FRMD4A: variants seen among roughly 807,000 people sequenced by gnomAD.
The protein encoded by FRMD4A is FERM domain-containing protein 4A.
Under a neutral mutation model 129.1 loss-of-function variants are expected in FRMD4A, and 29 were observed. The ratio of observed to expected loss-of-function variants is 0.22; its 90% CI spans 0.17 to 0.31. The LOEUF is 0.31. FRMD4A is among the 10% of genes least tolerant of loss of function. The pLI, the probability that FRMD4A is intolerant of heterozygous loss-of-function variation, is 1.00. For synonymous variants in FRMD4A, 634 were observed against 571.6 expected, an observed-to-expected ratio of 1.11 and a Z score of -1.56; for missense variants, 1,272 against 1,375.8, an observed-to-expected ratio of 0.92 and a Z score of 1.19.
At chr10:14,124,396 C>T (rs552475705) in intron 2 of FRMD4A, among the ~76,000 whole-genome samples, 1 of 152,284 alleles carries the variant, frequency 6.6e-6, no homozygotes, top group South Asian at 2.1e-4. Flanking sequence ...TTTAAGTGGG[C>T]CGGACACGGT....
chr10:14,058,208 G>A lies in FRMD4A; in HGVS notation c.46-199296C>T, dbSNP rs1257346962. Among the ~76,000 whole-genome samples the A allele has an allele frequency of 3.3e-5, 5 of 152,118 alleles. No individual in the cohort carries two copies. In the East Asian group the frequency reaches 7.7e-4, roughly 23 times the overall value. On this transcript the variant is annotated intron_variant, in intron 2 of 24. Transcript: ENST00000357447. ...AACCCATAGGGACAAGAAAGCCGAG[G>A]GGATTTGGGCTATCTTTATACTGAA... is the stretch of plus-strand genomic sequence containing the variant.
Position 14,303,173 on chromosome 10 carries a change from T to G in FRMD4A, c.45+26885A>C, listed in dbSNP as rs77283790. 8.9e-3 allele frequency among the ~76,000 whole-genome samples: 1,361 copies of G among 152,288 alleles called. 22 individuals are homozygous for G. The highest frequency in any genetic ancestry group is 0.031 in the African/African-American group (1,305 of 41,550). On this transcript the variant is annotated intron_variant, in intron 2 of 24. Transcript: ENST00000357447. ...CCAATCAGAACTTGAGTATTGGCAA[T>G]TTTTAGAAAGCCTCCTCGTACCCCT...
chr10:13,867,296 T>C (rs113519028), intron 2 of FRMD4A, among the ~76,000 whole-genome samples: 1,993 of 152,206 alleles, frequency 0.013, 15 homozygotes, highest in Non-Finnish European at 0.015. Context: ...TCTCACTCCG[T>C]GGTCCCAGCT....
At chr10:13,707,228 G>C in intron 12 of FRMD4A, 115 bp from the exon 13 acceptor site, 1 of 798,480 alleles carries the variant, frequency 1.3e-6, no homozygotes, top group South Asian at 1.6e-5. Flanking sequence ...AACAGAGACC[G>C]TAGTCTGTGC....
intron 24 of FRMD4A, 195 bp downstream of exon 24, chr10:13,651,708 G>A (rs913961363): frequency 8.5e-6 from 5 of 586,194 alleles, no homozygotes; most frequent in African/African-American, 1.9e-5. Flanking sequence ...TTTCTGGGAA[G>A]CAGTGTTAGG....
In FRMD4A at chr10:13,726,992, T is replaced by C. The variant is rs143096451; in HGVS notation, c.759+10852A>G. Among the ~76,000 whole-genome samples the C allele has an allele frequency of 9.3e-3, 1,416 of 152,300 alleles. 18 individuals carry two copies. The highest frequency in any genetic ancestry group is 0.032 in the African/African-American group (1,349 of 41,552). On this transcript the variant is annotated intron_variant, in intron 12 of 24. Coordinates refer to ENST00000357447, the MANE Select transcript of FRMD4A (RefSeq NM_018027.5). ...GACCTCGGCCACTGCAACCTCTGCC[T>C]CCCAGGTTTCAGTGATTCTCCTGCC...
intron 2 of FRMD4A, among the ~76,000 whole-genome samples, chr10:14,112,338 G>A (rs1837955933): frequency 1.3e-5 from 2 of 152,128 alleles, no homozygotes; most frequent in Admixed American, 6.5e-5. Flanking sequence ...TGGCAGGTGT[G>A]CCTGATGGAG....
At chr10:14,112,240 T>G (rs1421793595) in intron 2 of FRMD4A, among the ~76,000 whole-genome samples, 1 of 152,104 alleles carries the variant, frequency 6.6e-6, no homozygotes, top group Non-Finnish European at 1.5e-5. Flanking sequence ...AAGTCCATGT[T>G]TGAATTTAAT....
chr10:13,781,680 C>T (rs1032171445), intron 6 of FRMD4A, among the ~76,000 whole-genome samples: 5 of 152,212 alleles, frequency 3.3e-5, no homozygotes, highest in East Asian at 3.9e-4. Context: ...ACACAGCCAA[C>T]ATGGATGAAC....
chr10:13,782,931 G>T lies in FRMD4A; in HGVS notation c.375C>A (p.Cys125Ter). 2 of 1,402,564 alleles carry T rather than the reference G, an allele frequency of 1.4e-6. No homozygotes were observed. Among genetic ancestry groups the T allele is most frequent in the Non-Finnish European group, 2.0e-6 (2 of 986,736 alleles). The allele number at this position is 1,402,564 out of a possible 1,614,324, so 86.9% of individuals were successfully genotyped here. ...IELFFLNAKS[C>*]IYKELIDVDS... ...GAGAGGGAGTTCCTACCTTGTAGAT[G>T]CAGGACTTCGCGTTCAGAAAGAAAA... The change falls in exon 6 of 25, where the codon TGC becomes TGA. Residue 125 changes from cysteine (C) to a stop codon, truncating the protein, a stop_gained. Coordinates refer to ENST00000357447, the MANE Select transcript of FRMD4A (RefSeq NM_018027.5). LOFTEE classifies it high-confidence loss of function.
chr10:13,741,767 C>T (rs2091018162), intron 9 of FRMD4A, among the ~76,000 whole-genome samples: 1 of 152,070 alleles, frequency 6.6e-6, no homozygotes, highest in Admixed American at 6.6e-5. Flanking sequence ...AACCATGAAG[C>T]AACAAAAGCC....
At position 13,660,599 on chromosome 10, in the gene FRMD4A, C is replaced by T. The variant is rs747891073; in HGVS notation, c.1661-46G>A. 4.0e-6 allele frequency: 5 copies of T among 1,258,556 alleles called. No homozygotes were observed. In the South Asian group the frequency reaches 6.7e-5, roughly 17 times the overall value. 78.0% of individuals were successfully genotyped at this position (1,258,556 alleles called of 1,614,324 possible). On this transcript the variant is annotated intron_variant, in intron 19 of 24. Coordinates refer to ENST00000357447, the MANE Select transcript of FRMD4A (RefSeq NM_018027.5). ...AGGAACTGAGCCCCGGTCATCCTTC[C>T]CACAGGCTGAGACAGAACCCCTACA...
rs1258303258 is a variant in FRMD4A at position 13,821,141 on chromosome 10, G to GA, written c.112-10234_112-10233insT. Among the ~76,000 whole-genome samples, 3 of 152,124 alleles carry GA rather than the reference G, an allele frequency of 2.0e-5. No individual in the cohort carries two copies. The highest frequency in any genetic ancestry group is 7.2e-5 in the African/African-American group (3 of 41,416). ...CCGGGGAGGGGAAGCTGCTGCGGGGGGTGCATGAGGTGACTCTGTGCAGCT... is the reference window on the plus strand; with the variant it reads ...CCGGGGAGGGGAAGCTGCTGCGGGGGAGTGCATGAGGTGACTCTGTGCAGCT... On this transcript the variant is annotated intron_variant, in intron 3 of 24. Transcript: ENST00000357447. This position sits in a 1 kb window ranked among gnomAD's most constrained non-coding sequence, Gnocchi z 4.3.
chr10:14,112,924 A>G (rs528017327), intron 2 of FRMD4A, among the ~76,000 whole-genome samples: 3 of 152,176 alleles, frequency 2.0e-5, no homozygotes, highest in Admixed American at 2.0e-4. Flanking sequence ...ACAGTGACAG[A>G]CAAAGAGGTT....
At chr10:14,222,361 T>A (rs1843289410) in intron 2 of FRMD4A, among the ~76,000 whole-genome samples, 1 of 152,180 alleles carries the variant, frequency 6.6e-6, no homozygotes, top group Admixed American at 6.5e-5. Context: ...CTCTCTAGCG[T>A]GCGAAATGCG....
At chr10:13,885,504 G>A (rs1341222229) in intron 2 of FRMD4A, among the ~76,000 whole-genome samples, 1 of 152,152 alleles carries the variant, frequency 6.6e-6, no homozygotes, top group Non-Finnish European at 1.5e-5. Context: ...CCAGGGCGAG[G>A]TCCCTCAATG....
chr10:13,993,409 G>A (rs962157979), intron 2 of FRMD4A, among the ~76,000 whole-genome samples: 5 of 152,284 alleles, frequency 3.3e-5, no homozygotes, highest in African/African-American at 9.6e-5. Flanking sequence ...GAACTGAAAG[G>A]TTTTAGTCCA....
At chr10:13,680,137 C>T (rs149873370) in intron 15 of FRMD4A, among the ~76,000 whole-genome samples, 136 of 152,274 alleles carry the variant, frequency 8.9e-4, no homozygotes, top group African/African-American at 3.1e-3. Context: ...CAGGGCAGAG[C>T]CTTAGGGCTC....
chr10:13,837,057 G>A (rs1330039243), intron 3 of FRMD4A, among the ~76,000 whole-genome samples: 4 of 143,584 alleles, frequency 2.8e-5, no homozygotes, highest in Non-Finnish European at 6.2e-5. Flanking sequence ...GCACCCGGCC[G>A]GTTCCTCAGT....
Sources: allele counts gnomAD v4.1 joint callset (sites outside exome capture counted in the v4.1 genomes callset), GRCh38; gene constraint gnomAD v4.1.1; non-coding constraint Gnocchi (gnomAD v3.1); transcripts MANE v1.5; gene names NCBI Gene and HGNC (gene_info 2026-07-23, HGNC 2026-07-21).